Variants in RBFOX1 observed in about 807,000 individuals in gnomAD.
RBFOX1 encodes RNA binding protein fox-1 homolog 1.
Under a neutral mutation model 57.7 loss-of-function variants are expected in RBFOX1, and 8 were observed. The observed-to-expected ratio is 0.14, with a 90% CI of 0.08 to 0.25. The LOEUF is 0.25. Ranked by LOEUF, RBFOX1 falls within the 10% of genes least tolerant of loss-of-function variation. RBFOX1 has a pLI of 1.00. For missense variants in RBFOX1, 611 were observed against 548.5 expected, an observed-to-expected ratio of 1.11 and a Z score of -1.14; for synonymous variants, 326 against 222.4, an observed-to-expected ratio of 1.47 and a Z score of -4.15.
Position 5,255,961 on chromosome 16 carries a change from G to A in RBFOX1, c.219+15856G>A, listed in dbSNP as rs1461622231. Among the ~76,000 whole-genome samples, 4 of 151,754 alleles carry A rather than the reference G, an allele frequency of 2.6e-5. 1 individual carries two copies. In the South Asian group the frequency reaches 8.3e-4, roughly 32 times the overall value. ...CTTCTAGTCTTGCAGATATAGTGAG[G>A]ATTAAATAAGATGTCACATTAAAAG... On this transcript the variant is annotated intron_variant, in intron 1 of 2. Transcript: ENST00000585867.
chr16:6,678,505 T>C (rs1238017594), intron 3 of RBFOX1, among the ~76,000 whole-genome samples: 2 of 151,746 alleles, frequency 1.3e-5, no homozygotes, highest in African/African-American at 4.8e-5. Flanking sequence ...AAATCTAGTG[T>C]GCATTTTACA....
At chr16:7,452,874 A>G (rs2057652141) in intron 4 of RBFOX1, among the ~76,000 whole-genome samples, 1 of 152,182 alleles carries the variant, frequency 6.6e-6, no homozygotes, top group Non-Finnish European at 1.5e-5. Flanking sequence ...CATGCCCAGA[A>G]TCCCAGCATT....
At chr16:7,622,460 C>G (rs1364917354) in intron 10 of RBFOX1, among the ~76,000 whole-genome samples, 3 of 152,114 alleles carry the variant, frequency 2.0e-5, no homozygotes, top group African/African-American at 7.2e-5. Context: ...TACATTTTGG[C>G]TGCAGGAGAT....
intron 3 of RBFOX1, among the ~76,000 whole-genome samples, chr16:5,663,470 G>T (rs1436056904): frequency 6.6e-6 from 1 of 151,866 alleles, no homozygotes; most frequent in South Asian, 2.1e-4. Context: ...CCCCGAAAAT[G>T]CTGGTATTAA....
intron 14 of RBFOX1, chr16:7,693,482 A>G (rs1175207886): frequency 1.4e-5 from 11 of 778,354 alleles, no homozygotes; most frequent in Non-Finnish European, 2.3e-5. Flanking sequence ...TAGTTAAGAA[A>G]AAAAAAAAAG....
intron 2 of RBFOX1, among the ~76,000 whole-genome samples, chr16:5,504,598 C>T (rs1334620846): frequency 2.6e-5 from 4 of 152,188 alleles, no homozygotes; most frequent in African/African-American, 7.2e-5. Context: ...AGGGGAGGGC[C>T]CGGTTTGGCT....
At chr16:6,534,712 G>C (rs1468863209) in intron 2 of RBFOX1, among the ~76,000 whole-genome samples, 1 of 152,154 alleles carries the variant, frequency 6.6e-6, no homozygotes, top group African/African-American at 2.4e-5. Flanking sequence ...TGCTGGGGGA[G>C]AAGCACAGAA....
intron 4 of RBFOX1, among the ~76,000 whole-genome samples, chr16:7,058,330 T>G (rs11645295): frequency 0.058 from 8,851 of 152,234 alleles, 453 homozygotes; most frequent in East Asian, 0.21. Flanking sequence ...CTTTCTTTTT[T>G]AAGGGAAAGG....
chr16:6,153,537 T>C (rs2096815613), intron 1 of RBFOX1, among the ~76,000 whole-genome samples: 1 of 149,214 alleles, frequency 6.7e-6, no homozygotes, highest in South Asian at 2.1e-4. Flanking sequence ...CCATTGTACG[T>C]TTTTTTTTTC....
intron 4 of RBFOX1, among the ~76,000 whole-genome samples, chr16:5,883,598 G>C (rs1238428912): frequency 1.3e-5 from 2 of 152,096 alleles, no homozygotes; most frequent in African/African-American, 4.8e-5. Context: ...TCTGCTTTTG[G>C]ATTTTGAAGG....
At chr16:5,993,931 A>G (rs1472339480) in intron 4 of RBFOX1, among the ~76,000 whole-genome samples, 2 of 152,116 alleles carry the variant, frequency 1.3e-5, no homozygotes, top group Admixed American at 1.3e-4. Context: ...TCAGCACTTG[A>G]TTTGGATGCC....
intron 4 of RBFOX1, among the ~76,000 whole-genome samples, chr16:7,410,579 A>G (rs1480426409): frequency 6.6e-6 from 1 of 152,218 alleles, no homozygotes; most frequent in Non-Finnish European, 1.5e-5. Flanking sequence ...AAGGAGGCTG[A>G]GGCAGCAGAA....
intron 2 of RBFOX1, among the ~76,000 whole-genome samples, chr16:6,416,099 CGTCTTGTAAGGAG>C (rs1344638579): frequency 7.2e-5 from 11 of 152,160 alleles, no homozygotes; most frequent in African/African-American, 2.7e-4. Context: ...GAATATTTAT[CGTCTTGTAAGGAG>C]GAAACAAAAG....
At chr16:5,965,492 C>T (rs545847990) in intron 4 of RBFOX1, among the ~76,000 whole-genome samples, 2 of 152,102 alleles carry the variant, frequency 1.3e-5, no homozygotes, top group African/African-American at 4.8e-5. Flanking sequence ...AAGTGGCATG[C>T]TTCAACTCAG....
chr16:7,541,283 A>G (rs904059435), intron 5 of RBFOX1, among the ~76,000 whole-genome samples: 1 of 152,228 alleles, frequency 6.6e-6, no homozygotes, highest in African/African-American at 2.4e-5. Flanking sequence ...TATTGCTTCT[A>G]AAAGTGAGTG....
intron 3 of RBFOX1, among the ~76,000 whole-genome samples, chr16:5,660,877 C>G (rs987217672): frequency 6.6e-6 from 1 of 152,054 alleles, no homozygotes; most frequent in Non-Finnish European, 1.5e-5. Flanking sequence ...TTCCTATGGC[C>G]GTAGCTGCTG....
At chr16:6,679,470 C>G (rs1345969626) in intron 3 of RBFOX1, among the ~76,000 whole-genome samples, 2 of 152,050 alleles carry the variant, frequency 1.3e-5, no homozygotes, top group Admixed American at 6.6e-5. Context: ...TTTCTTTGAC[C>G]TGGGAAGTTT....
At position 5,770,683 on chromosome 16, in the gene RBFOX1, A is replaced by G. The variant is rs1460403187; in HGVS notation, c.319-96620A>G. 3.3e-5 allele frequency among the ~76,000 whole-genome samples: 5 copies of G among 152,068 alleles called. No homozygotes were observed. In the South Asian group the frequency reaches 6.2e-4, roughly 19 times the overall value. ...AATTCTTTCCTGCACATAGCCAAGA[A>G]CCCTCCTGGGCTAAGCCTCAGTTTT... On this transcript the variant is annotated intron_variant, in intron 3 of 19. Transcript: ENST00000641259.
At chr16:7,040,593 C>T (rs564760186) in intron 3 of RBFOX1, among the ~76,000 whole-genome samples, 12 of 152,290 alleles carry the variant, frequency 7.9e-5, no homozygotes, top group East Asian at 1.9e-4. Flanking sequence ...GTTCCCAGGA[C>T]ATCATTTTTC....
Sources: allele counts gnomAD v4.1 joint callset (sites outside exome capture counted in the v4.1 genomes callset), GRCh38; gene constraint gnomAD v4.1.1; transcripts MANE v1.5; gene names NCBI Gene and HGNC (gene_info 2026-07-23, HGNC 2026-07-21).